Variants in MAML2 observed in about 807,000 individuals in gnomAD.
MAML2 encodes the protein mastermind like transcriptional coactivator 2.
Under a neutral mutation model 96.1 loss-of-function variants are expected in MAML2, and 22 were observed. The observed-to-expected ratio is 0.23, with a 90% CI of 0.16 to 0.33. The LOEUF is 0.33. MAML2 is among the 10% of genes least tolerant of loss of function. The probability of loss-of-function intolerance (pLI) is 1.00; values close to 1 mark genes in which losing one functional copy is unlikely to be tolerated. For missense variants in MAML2, 1,367 were observed against 1,392.4 expected (o/e 0.98, Z 0.29); for synonymous variants, 561 against 521.3 (o/e 1.08, Z -1.04).
At chr11:95,988,235 T>G (rs1223423970) in intron 3 of MAML2, among the ~76,000 whole-genome samples, 2 of 151,894 alleles carry the variant, frequency 1.3e-5, no homozygotes, top group Admixed American at 1.3e-4. Flanking sequence ...GGATTTATTT[T>G]TATATATCTT....
chr11:96,124,117 A>AG (rs1555012941), intron 1 of MAML2, among the ~76,000 whole-genome samples: 2 of 150,648 alleles, frequency 1.3e-5, no homozygotes, highest in Non-Finnish European at 3.0e-5. Flanking sequence ...AAAAAAAAAA[A>AG]GGAGTAAACC....
At chr11:96,223,417 A>G (rs1384799981) in intron 1 of MAML2, among the ~76,000 whole-genome samples, 1 of 152,194 alleles carries the variant, frequency 6.6e-6, no homozygotes, top group Non-Finnish European at 1.5e-5. Context: ...AAGACAAAGC[A>G]TATTTTACTT....
chr11:96,327,868 G>A (rs868170570), intron 1 of MAML2, among the ~76,000 whole-genome samples: 1 of 152,008 alleles, frequency 6.6e-6, no homozygotes, highest in Non-Finnish European at 1.5e-5. Context: ...AGCCAAGGCA[G>A]GCGGATCACC....
intron 1 of MAML2, among the ~76,000 whole-genome samples, chr11:96,238,668 A>C (rs1279353808): frequency 6.6e-6 from 1 of 152,232 alleles, no homozygotes; most frequent in Non-Finnish European, 1.5e-5. Context: ...GGGTTTACTA[A>C]GGTTTAATGA....
chr11:96,261,609 T>C (rs1207214408), intron 1 of MAML2, among the ~76,000 whole-genome samples: 1 of 152,240 alleles, frequency 6.6e-6, no homozygotes, highest in Non-Finnish European at 1.5e-5. Flanking sequence ...GTCCTTCTGA[T>C]AATATTGGAG....
chr11:96,118,795 A>G lies in MAML2; in HGVS notation c.514-25278T>C, dbSNP rs1182720137. 2.0e-5 allele frequency among the ~76,000 whole-genome samples: 3 copies of G among 152,220 alleles called. No homozygotes were observed. The East Asian group carries it at 5.8e-4, about 29-fold the overall frequency. ...CTGCCTCTTGCTTGGTCTGTAGTAG[A>G]CATGAGTATGTCCGATGAACAGCCT... On this transcript the variant is annotated intron_variant, in intron 1 of 4. Transcript: ENST00000524717.
chr11:96,047,075 C>T (rs928119422), intron 2 of MAML2, among the ~76,000 whole-genome samples: 1 of 152,164 alleles, frequency 6.6e-6, no homozygotes, highest in Non-Finnish European at 1.5e-5. Flanking sequence ...TTGGTACCTT[C>T]TATCTTCTTT....
chr11:96,282,132 C>T (rs140139542), intron 1 of MAML2, among the ~76,000 whole-genome samples: 4,443 of 151,676 alleles, frequency 0.029, 80 homozygotes, highest in South Asian at 0.057. Flanking sequence ...CCCTGTAGTC[C>T]AAGCTACTCG....
chr11:96,204,463 T>A (rs1861868978), intron 1 of MAML2, among the ~76,000 whole-genome samples: 1 of 152,126 alleles, frequency 6.6e-6, no homozygotes, highest in African/African-American at 2.4e-5. Flanking sequence ...CAAAGAGGGT[T>A]GAGAAAGAGC....
intron 1 of MAML2, among the ~76,000 whole-genome samples, chr11:96,211,184 A>C (rs7941175): frequency 0.027 from 4,100 of 152,332 alleles, 195 homozygotes; most frequent in African/African-American, 0.094. Context: ...ACATATTTTT[A>C]AAATCCTAAT....
chr11:96,073,841 A>G (rs1043533722), intron 2 of MAML2, among the ~76,000 whole-genome samples: 1 of 152,138 alleles, frequency 6.6e-6, no homozygotes, highest in Non-Finnish European at 1.5e-5. Context: ...ATGTACAGGT[A>G]AAAGGATCTG....
At position 95,977,472 on chromosome 11, in the gene MAML2, T is replaced by C. The variant is rs1361826838; in HGVS notation, c.*1476A>G. 1 of 192,474 alleles carries C rather than the reference T, an allele frequency of 5.2e-6. No homozygotes were observed. The highest frequency in any genetic ancestry group is 8.2e-5 in the East Asian group (1 of 12,152). The allele number at this position is 192,474 out of a possible 1,614,324, so 11.9% of individuals were successfully genotyped here. A position where few individuals can be genotyped will look rare whatever the true frequency, so the allele number is the denominator to read the frequency against. Reference sequence around the variant, plus strand: ...TTTGAACAGATATTGAAAGACTTGATTATTAAATAACTTCAGCTAAATTAC... The same window carrying C: ...TTTGAACAGATATTGAAAGACTTGACTATTAAATAACTTCAGCTAAATTAC... On this transcript the variant is annotated 3_prime_UTR_variant, in exon 5 of 5. Transcript: ENST00000524717.
intron 1 of MAML2, among the ~76,000 whole-genome samples, chr11:96,230,855 G>T (rs145975724): frequency 6.6e-6 from 1 of 152,202 alleles, no homozygotes; most frequent in Non-Finnish European, 1.5e-5. Flanking sequence ...CCAAATAGCG[G>T]TGTTGTAAGA....
At position 96,126,905 on chromosome 11, in the gene MAML2, T is replaced by TG. The variant is rs36054141; in HGVS notation, c.514-33389dup. ...GATGACAGTGCATGTGGTATGGACATGGGGGGGGTCAAATGGTAGGTATGA... is the reference window on the plus strand; with the variant it reads ...GATGACAGTGCATGTGGTATGGACATGGGGGGGGGTCAAATGGTAGGTATGA... On this transcript the variant is annotated intron_variant, in intron 1 of 4. Coordinates refer to ENST00000524717, the MANE Select transcript of MAML2 (RefSeq NM_032427.4). Among the ~76,000 whole-genome samples the TG allele has an allele frequency of 3.1e-3, 455 of 146,122 alleles. 11 individuals carry two copies. The East Asian group carries it at 0.068, about 22-fold the overall frequency.
chr11:96,225,196 T>C (rs991721784), intron 1 of MAML2, among the ~76,000 whole-genome samples: 1 of 152,212 alleles, frequency 6.6e-6, no homozygotes, highest in African/African-American at 2.4e-5. Context: ...GAAGGAAGTA[T>C]GGTGTGCAAC....
At chr11:96,036,214 G>A (rs1310847290) in intron 2 of MAML2, among the ~76,000 whole-genome samples, 2 of 152,030 alleles carry the variant, frequency 1.3e-5, no homozygotes, top group Non-Finnish European at 1.5e-5. Context: ...TAACCCCACC[G>A]GAATGACACA....
At chr11:96,239,625 A>G (rs1862406651) in intron 1 of MAML2, among the ~76,000 whole-genome samples, 1 of 152,166 alleles carries the variant, frequency 6.6e-6, no homozygotes, top group Admixed American at 6.6e-5. Flanking sequence ...AAAAGTAGAA[A>G]GAAACCTTGG....
At chr11:95,984,357 A>G (rs990400945) in intron 4 of MAML2, among the ~76,000 whole-genome samples, 3 of 152,220 alleles carry the variant, frequency 2.0e-5, no homozygotes, top group Admixed American at 6.5e-5. Context: ...ACTGCATCTT[A>G]TCTTTCAGCC....
chr11:95,998,157 T>TGTCA (rs1269430406), intron 2 of MAML2, among the ~76,000 whole-genome samples: 1 of 144,204 alleles, frequency 6.9e-6, no homozygotes, highest in Admixed American at 7.1e-5. Flanking sequence ...TCTGTCTGTC[T>TGTCA]GTCTGTCTGT....
Sources: gnomAD v4.1 joint callset for allele counts (sites outside exome capture counted in the v4.1 genomes callset) on GRCh38, gnomAD v4.1.1 for gene constraint, MANE v1.5 for transcripts, NCBI Gene and HGNC (gene_info 2026-07-23, HGNC 2026-07-21) for gene names.